The following HECW1 variants were observed in gnomAD, a reference collection of about 807,000 sequenced individuals.
HECW1 encodes HECT, C2 and WW domain containing E3 ubiquitin protein ligase 1.
A neutral mutation model predicts 182.3 loss-of-function variants in HECW1; 61 were observed. That is an observed-to-expected ratio of 0.33 (90% CI 0.27 to 0.41). The LOEUF (loss-of-function observed/expected upper bound fraction) is 0.41, where lower values mean the gene tolerates loss of function less well. Among genes scored for constraint, HECW1 ranks in the 10% least tolerant of loss-of-function variants. The pLI, the probability that HECW1 is intolerant of heterozygous loss-of-function variation, is 1.00. For synonymous variants in HECW1, 859 were observed against 832.6 expected (o/e 1.03, Z -0.55); for missense variants, 1,739 against 2,108.9 (o/e 0.82, Z 3.44).
intron 8 of HECW1, among the ~76,000 whole-genome samples, chr7:43,429,758 G>A (rs183452834): frequency 6.6e-6 from 1 of 152,178 alleles, no homozygotes; most frequent in Non-Finnish European, 1.5e-5. Flanking sequence ...ACCATGTCCA[G>A]TCCATTTAAT....
chr7:43,310,959 GT>G (rs1808426190), intron 3 of HECW1, among the ~76,000 whole-genome samples: 2 of 152,180 alleles, frequency 1.3e-5, no homozygotes, highest in Non-Finnish European at 2.9e-5. Context: ...TTCTGCATGA[GT>G]TCTATTTGCT....
chr7:43,288,281 A>T (rs917383050), intron 3 of HECW1, among the ~76,000 whole-genome samples: 4 of 152,208 alleles, frequency 2.6e-5, no homozygotes, highest in African/African-American at 4.8e-5. Flanking sequence ...CTTGCAAATT[A>T]GACACATCTA....
At chr7:43,515,740 T>C (rs1391745320) in intron 24 of HECW1, among the ~76,000 whole-genome samples, 2 of 152,236 alleles carry the variant, frequency 1.3e-5, no homozygotes, top group Non-Finnish European at 2.9e-5. Flanking sequence ...CACTCCCAGA[T>C]GCTGTGAGAT....
chr7:43,156,702 A>G (rs1344601657), intron 2 of HECW1, among the ~76,000 whole-genome samples: 1 of 152,184 alleles, frequency 6.6e-6, no homozygotes, highest in African/African-American at 2.4e-5. Context: ...CTGGTTCTCC[A>G]TCTTCCAGGC....
Position 43,507,149 on chromosome 7 carries a change from C to G in HECW1, c.3644C>G (p.Ala1215Gly), listed in dbSNP as rs756919537. The change falls in exon 22 of 30, where the codon GCC (alanine) becomes GGC (glycine). Residue 1215 changes from alanine to glycine, a missense_variant. Ala to Gly is a moderately conservative substitution (Grantham distance 60). Around this residue, in one of 5 missense-constraint regions of HECW1, gnomAD observed 420 missense variants for 595.7 expected, o/e 0.71. Transcript: ENST00000395891. ...CTTCTCTCTGCAGGTTTACAGAGAG[C>G]CAGTGCAAGAGCCCCTTCCCCCTAC... ...SPQNSPGLQR[A>G]SARAPSPYRR... 3 of 1,613,504 alleles carry G rather than the reference C, an allele frequency of 1.9e-6. No individual in the cohort carries two copies. The South Asian group carries it at 3.3e-5, about 18-fold the overall frequency.
chr7:43,283,713 A>G (rs1454875348), intron 3 of HECW1, among the ~76,000 whole-genome samples: 5 of 152,214 alleles, frequency 3.3e-5, no homozygotes, highest in East Asian at 1.9e-4. Flanking sequence ...ATATTGTTCA[A>G]TATTGCAAAA....
At chr7:43,117,018 C>G (rs914966872) in intron 2 of HECW1, among the ~76,000 whole-genome samples, 4 of 152,192 alleles carry the variant, frequency 2.6e-5, no homozygotes, top group Admixed American at 2.6e-4. Context: ...TATCTGATAA[C>G]TACTTTGAGC....
rs886614748 is a variant in HECW1 at position 43,563,443 on chromosome 7, A to G, written c.*1517A>G. 1 of 198,232 alleles carries G rather than the reference A, an allele frequency of 5.0e-6. No individual in the cohort carries two copies. Among genetic ancestry groups the G allele is most frequent in the Non-Finnish European group, 1.0e-5 (1 of 95,804 alleles). The allele number at this position is 198,232 out of a possible 1,614,324, so 12.3% of individuals were successfully genotyped here. The stretch of plus-strand genomic sequence containing the variant: ...AAAGAAGAGCTCAAGAGACCCCACT[A>G]TTTAAATGTCATTTAATTGTTTTCC... On this transcript the variant is annotated 3_prime_UTR_variant, in exon 30 of 30. Transcript: ENST00000395891.
intron 6 of HECW1, among the ~76,000 whole-genome samples, chr7:43,378,933 G>T (rs2074435032): frequency 6.6e-6 from 1 of 152,138 alleles, no homozygotes; most frequent in African/African-American, 2.4e-5. Flanking sequence ...GAACAGGAAA[G>T]AAAATAGGGA....
chr7:43,518,303 T>C (rs1286105992), intron 24 of HECW1, among the ~76,000 whole-genome samples: 1 of 152,120 alleles, frequency 6.6e-6, no homozygotes, highest in Non-Finnish European at 1.5e-5. Flanking sequence ...GAGACCATCC[T>C]GGCCAACATG....
intron 7 of HECW1, among the ~76,000 whole-genome samples, chr7:43,405,712 T>C (rs1422082655): frequency 6.6e-6 from 1 of 152,154 alleles, no homozygotes; most frequent in East Asian, 1.9e-4. Flanking sequence ...ACAAACACTT[T>C]AGGCACAGTG....
chr7:43,239,093 G>A (rs1798640583), intron 2 of HECW1: 4 of 152,194 alleles, frequency 2.6e-5, no homozygotes, highest in South Asian at 4.1e-4. Flanking sequence ...GTTTAAAACA[G>A]AACTTCCAAC....
Position 43,562,395 on chromosome 7 carries a change from C to G in HECW1, c.*469C>G. On this transcript the variant is annotated 3_prime_UTR_variant, in exon 30 of 30. Transcript: ENST00000395891. ...TAATAACCAACTCCAGAACTAGGAGCTGATCAACTCTTTGTTTTCCTCTCC... is the reference window on the plus strand; with the variant it reads ...TAATAACCAACTCCAGAACTAGGAGGTGATCAACTCTTTGTTTTCCTCTCC... 1.3e-5 allele frequency: 3 copies of G among 229,366 alleles called. No homozygotes were observed. The highest frequency in any genetic ancestry group is 2.6e-5 in the Non-Finnish European group (3 of 115,626). The allele number at this position is 229,366 out of a possible 1,614,324, so 14.2% of individuals were successfully genotyped here. A position where few individuals can be genotyped will look rare whatever the true frequency, so the allele number is the denominator to read the frequency against.
intron 6 of HECW1, among the ~76,000 whole-genome samples, chr7:43,378,501 G>A (rs934534467): frequency 6.6e-6 from 1 of 152,186 alleles, no homozygotes; most frequent in African/African-American, 2.4e-5. Flanking sequence ...AAATACGCAT[G>A]GTTAAAACCC....
intron 2 of HECW1, among the ~76,000 whole-genome samples, chr7:43,216,433 C>T (rs968334484): frequency 6.6e-6 from 1 of 152,058 alleles, no homozygotes; most frequent in African/African-American, 2.4e-5. Flanking sequence ...TGTGTGCCAC[C>T]GCATGCCAGC....
rs571277771 is a variant in HECW1, at chr7:43,565,558, TTTATTATTA to T, written c.*3647_*3655del. ...GAACTTTACATAACAAATGTGGTGC[TTTATTATTA>T]TTATTATTATTATTTTTATTATTAT... On this transcript the variant is annotated 3_prime_UTR_variant, in exon 30 of 30. Coordinates refer to ENST00000395891, the MANE Select transcript of HECW1 (RefSeq NM_015052.5). The T allele has an allele frequency of 7.3e-4, 123 of 167,816 alleles. No homozygotes were observed. Among genetic ancestry groups the T allele is most frequent in the African/African-American group, 2.9e-3 (118 of 40,278 alleles). 10.4% of individuals were successfully genotyped at this position (167,816 alleles called of 1,614,324 possible).
chr7:43,188,633 T>C (rs1793625817), intron 2 of HECW1, among the ~76,000 whole-genome samples: 1 of 152,166 alleles, frequency 6.6e-6, no homozygotes, highest in Non-Finnish European at 1.5e-5. Flanking sequence ...TCTGAGATTG[T>C]TGGGCCAAAG....
intron 16 of HECW1, among the ~76,000 whole-genome samples, chr7:43,476,131 C>G (rs901461759): frequency 6.6e-6 from 1 of 151,954 alleles, no homozygotes; most frequent in Admixed American, 6.6e-5. Flanking sequence ...ATTAAAAATC[C>G]AAGAGGATAT....
At chr7:43,401,913 A>G (rs1403320872) in intron 7 of HECW1, among the ~76,000 whole-genome samples, 1 of 151,764 alleles carries the variant, frequency 6.6e-6, no homozygotes, top group Non-Finnish European at 1.5e-5. Context: ...CAAGCAGATG[A>G]GCAGAAGAGC....
Sources: allele counts gnomAD v4.1 joint callset (sites outside exome capture counted in the v4.1 genomes callset), GRCh38; gene constraint gnomAD v4.1.1; regional missense constraint gnomAD v4.1.1; transcripts MANE v1.5; gene names NCBI Gene and HGNC (gene_info 2026-07-23, HGNC 2026-07-21).